The following PARN variants were observed in gnomAD, a reference collection of about 807,000 sequenced individuals.
PARN encodes poly(A)-specific ribonuclease PARN.
In PARN, 71 loss-of-function variants were observed where a neutral mutation model predicts 102.8. That is an observed-to-expected ratio of 0.69 (90% CI 0.57 to 0.84). The LOEUF is 0.84. Among genes scored for constraint, PARN ranks in the 40% least tolerant of loss-of-function variants. PARN has a pLI of 0.00. For synonymous variants in PARN, 261 were observed against 252.9 expected (o/e 1.03, Z -0.30); for missense variants, 782 against 760.9 (o/e 1.03, Z -0.33).
intron 21 of PARN, among the ~76,000 whole-genome samples, chr16:14,504,553 C>T (rs767759687): frequency 9.9e-5 from 15 of 151,754 alleles, no homozygotes; most frequent in Admixed American, 1.3e-4. Flanking sequence ...AGCAAGACTC[C>T]GTCTCAAAAA....
At chr16:14,611,903 C>T (rs182336705) in intron 6 of PARN, among the ~76,000 whole-genome samples, 1 of 152,266 alleles carries the variant, frequency 6.6e-6, no homozygotes, top group Admixed American at 6.5e-5. Flanking sequence ...ATGGGGGTCT[C>T]TGTCGCAATA....
chr16:14,592,642 G>A (rs916503514), intron 13 of PARN, among the ~76,000 whole-genome samples: 4 of 152,172 alleles, frequency 2.6e-5, no homozygotes, highest in Admixed American at 2.6e-4. Flanking sequence ...CAAGAATTCT[G>A]TAGGACTGGA....
At chr16:14,627,871 C>G (rs1972774384) in intron 3 of PARN, among the ~76,000 whole-genome samples, 1 of 152,142 alleles carries the variant, frequency 6.6e-6, no homozygotes. Flanking sequence ...TGGCTGGGCA[C>G]AGTGGCTTGC....
chr16:14,611,901 C>G (rs1034420979), intron 6 of PARN, among the ~76,000 whole-genome samples: 3 of 152,122 alleles, frequency 2.0e-5, no homozygotes, highest in Non-Finnish European at 2.9e-5. Flanking sequence ...CAATGGGGGT[C>G]TCTGTCGCAA....
At chr16:14,586,406 C>T (rs1483454654) in intron 13 of PARN, 45 bp from the exon 14 acceptor site, 4 of 1,170,634 alleles carry the variant, frequency 3.4e-6, no homozygotes, top group Non-Finnish European at 3.7e-6. Flanking sequence ...CTAATACACT[C>T]GCAGTATTAA....
At chr16:14,623,534 A>T (rs909817937) in intron 5 of PARN, among the ~76,000 whole-genome samples, 9 of 148,412 alleles carry the variant, frequency 6.1e-5, no homozygotes, top group Non-Finnish European at 1.3e-4. Context: ...AAAAGAAAAG[A>T]AAAAAAAAAG....
chr16:14,532,505 A>C (rs904665330), intron 21 of PARN, among the ~76,000 whole-genome samples: 8 of 148,428 alleles, frequency 5.4e-5, no homozygotes, highest in African/African-American at 1.9e-4. Flanking sequence ...AAGGTCACAG[A>C]TAAACAGGAT....
chr16:14,465,856 T>A (rs891700636), intron 22 of PARN, among the ~76,000 whole-genome samples: 7 of 152,124 alleles, frequency 4.6e-5, no homozygotes, highest in Admixed American at 1.3e-4. Flanking sequence ...TCAAGAAGTA[T>A]GGATGGAGCT....
chr16:14,531,770 C>T (rs1185308438), intron 21 of PARN, among the ~76,000 whole-genome samples: 3 of 152,252 alleles, frequency 2.0e-5, no homozygotes, highest in Admixed American at 6.5e-5. Flanking sequence ...ATTTGGTTGA[C>T]CAACTTCGTA....
chr16:14,546,282 TG>T (rs1409991344), intron 21 of PARN, among the ~76,000 whole-genome samples: 1 of 152,240 alleles, frequency 6.6e-6, no homozygotes, highest in Admixed American at 6.5e-5. Flanking sequence ...AATCAAAAGC[TG>T]TGCTTTTTAA....
At chr16:14,496,999 T>C (rs898513005) in intron 21 of PARN, among the ~76,000 whole-genome samples, 1 of 152,200 alleles carries the variant, frequency 6.6e-6, no homozygotes, top group Non-Finnish European at 1.5e-5. Flanking sequence ...GCACAGCCAG[T>C]ATTTAACCCG....
Position 14,547,048 on chromosome 16 carries a change from G to A in PARN, c.1480+4973C>T, listed in dbSNP as rs550658379. Among the ~76,000 whole-genome samples the A allele has an allele frequency of 7.3e-5, 11 of 150,084 alleles. No homozygotes were observed. The South Asian group carries it at 1.5e-3, about 20-fold the overall frequency. On this transcript the variant is annotated intron_variant, in intron 21 of 23. Transcript: ENST00000437198. ...GCAGAAGTTGCAGTGAGCCAAGATC[G>A]CACAACGGCACTTCAGCCTGGGCAA...
intron 5 of PARN, among the ~76,000 whole-genome samples, chr16:14,623,308 G>A (rs1972435728): frequency 6.6e-6 from 1 of 151,926 alleles, no homozygotes; most frequent in Non-Finnish European, 1.5e-5. Flanking sequence ...GAGGTCAAGA[G>A]ATCGAGACCA....
At chr16:14,555,747 C>T in intron 18 of PARN, 38 bp from the exon 19 acceptor site, 1 of 1,089,040 alleles carries the variant, frequency 9.2e-7, no homozygotes, top group Admixed American at 2.9e-5. Flanking sequence ...TGGGCAATTT[C>T]CTTTAAAAGA....
intron 22 of PARN, among the ~76,000 whole-genome samples, chr16:14,454,298 T>C (rs1004523654): frequency 4.6e-5 from 7 of 152,194 alleles, no homozygotes; most frequent in Non-Finnish European, 8.8e-5. Flanking sequence ...CTGGGCAACA[T>C]GGTGAATCCC....
At chr16:14,524,925 T>A (rs376048213) in intron 21 of PARN, among the ~76,000 whole-genome samples, 1 of 152,220 alleles carries the variant, frequency 6.6e-6, no homozygotes, top group Non-Finnish European at 1.5e-5. Flanking sequence ...TTAAATATTA[T>A]AGTCCAACCC....
chr16:14,581,408 TC>T, intron 17 of PARN, among the ~76,000 whole-genome samples: 1 of 152,274 alleles, frequency 6.6e-6, no homozygotes, highest in Non-Finnish European at 1.5e-5. Context: ...CAGTGGTTTT[TC>T]TTGCAGATTT....
chr16:14,470,437 G>GATGATT (rs369121377), intron 22 of PARN, among the ~76,000 whole-genome samples: 47 of 147,160 alleles, frequency 3.2e-4, no homozygotes, highest in South Asian at 6.5e-4. Flanking sequence ...GAGTTTGGAT[G>GATGATT]ATTATTATTA....
At chr16:14,568,278 T>C (rs1968557368) in intron 18 of PARN, among the ~76,000 whole-genome samples, 1 of 150,106 alleles carries the variant, frequency 6.7e-6, no homozygotes, top group Non-Finnish European at 1.5e-5. Context: ...AGTGGCACGA[T>C]CTCGGCTCAC....
Sources: allele counts gnomAD v4.1 joint callset (sites outside exome capture counted in the v4.1 genomes callset), GRCh38; gene constraint gnomAD v4.1.1; transcripts MANE v1.5; gene names NCBI Gene and HGNC (gene_info 2026-07-23, HGNC 2026-07-21).